Variants in ENTPD4 observed in about 807,000 individuals in gnomAD.
ENTPD4 encodes the protein ectonucleoside triphosphate diphosphohydrolase 4.
Under a neutral mutation model 79.1 loss-of-function variants are expected in ENTPD4, and 60 were observed. The observed-to-expected ratio is 0.76, with a 90% CI of 0.62 to 0.94. ENTPD4 has a LOEUF of 0.94. ENTPD4 is among the 40% of genes least tolerant of loss of function. ENTPD4 has a pLI of 0.00. For synonymous variants in ENTPD4, 276 were observed against 292.0 expected, an observed-to-expected ratio of 0.95 and a Z score of 0.56; for missense variants, 772 against 775.1, an observed-to-expected ratio of 1.00 and a Z score of 0.05.
chr8:23,429,473 G>T lies in ENTPD4; in HGVS notation c.*3453C>A. 1 of 985,182 alleles carries T rather than the reference G, an allele frequency of 1.0e-6. No individual in the cohort carries two copies. The highest frequency in any genetic ancestry group is 1.2e-6 in the Non-Finnish European group (1 of 829,716). 61.0% of individuals were successfully genotyped at this position (985,182 alleles called of 1,614,324 possible). A position where few individuals can be genotyped will look rare whatever the true frequency, so the allele number is the denominator to read the frequency against. The stretch of plus-strand genomic sequence containing the variant: ...GAAATAAATAACTAAGTAATTTACT[G>T]AAAGGTAGTTTTGTTGCATTGCACA... On this transcript the variant is annotated 3_prime_UTR_variant, in exon 13 of 13. Coordinates refer to ENST00000358689, the MANE Select transcript of ENTPD4 (RefSeq NM_004901.5).
chr8:23,454,401 G>A (rs1046758012), intron 1 of ENTPD4, among the ~76,000 whole-genome samples: 3 of 152,174 alleles, frequency 2.0e-5, no homozygotes, highest in African/African-American at 7.2e-5. Context: ...TCAGGACTAC[G>A]AAGGTGACAT....
Position 23,432,264 on chromosome 8 carries a change from A to C in ENTPD4, c.*662T>G. On this transcript the variant is annotated 3_prime_UTR_variant, in exon 13 of 13. Coordinates refer to ENST00000358689, the MANE Select transcript of ENTPD4 (RefSeq NM_004901.5). ...GTAAGTTTTTTGGTTCTATGAAAGCATCACTATTCAGTCCCCTCTCCACTG... is the reference window on the plus strand; with the variant it reads ...GTAAGTTTTTTGGTTCTATGAAAGCCTCACTATTCAGTCCCCTCTCCACTG... 1 of 985,414 alleles carries C rather than the reference A, an allele frequency of 1.0e-6. No homozygotes were observed. Among genetic ancestry groups the C allele is most frequent in the Non-Finnish European group, 1.2e-6 (1 of 829,918 alleles). 61.0% of individuals were successfully genotyped at this position (985,414 alleles called of 1,614,324 possible).
Position 23,430,563 on chromosome 8 carries a change from T to C in ENTPD4, c.*2363A>G, listed in dbSNP as rs1212638737. The C allele has an allele frequency of 1.0e-6, 1 of 983,990 alleles. No homozygotes were observed. The highest frequency in any genetic ancestry group is 1.2e-6 in the Non-Finnish European group (1 of 828,706). The allele number at this position is 983,990 out of a possible 1,614,324, so 61.0% of individuals were successfully genotyped here. ...TCTAGGCTTTACAGGCCACATATAG[T>C]GTCTGCTGCATATTCTTCAACGTTT... is the stretch of plus-strand genomic sequence containing the variant. On this transcript the variant is annotated 3_prime_UTR_variant, in exon 13 of 13. Coordinates refer to ENST00000358689, the MANE Select transcript of ENTPD4 (RefSeq NM_004901.5).
rs766278418 is a variant in ENTPD4, at chr8:23,448,710, T to A, written c.206+32A>T. 8.3e-6 allele frequency: 13 copies of A among 1,575,080 alleles called. No homozygotes were observed. In the South Asian group the frequency reaches 1.3e-4, roughly 16 times the overall value. On this transcript the variant is annotated intron_variant, in intron 3 of 12. Transcript: ENST00000358689. ...CAGGTAAGACAGAAGGTAAGGCTTCTGGTCTAGAAAGCAAATGTTTTTATC... is the reference window on the plus strand; with the variant it reads ...CAGGTAAGACAGAAGGTAAGGCTTCAGGTCTAGAAAGCAAATGTTTTTATC...
rs770603152 is a variant in ENTPD4, at chr8:23,444,490, G to C, written c.529C>G (p.Leu177Val). 10 of 1,614,096 alleles carry C rather than the reference G, an allele frequency of 6.2e-6. No individual in the cohort carries two copies. In the Admixed American group the frequency reaches 1.3e-4, roughly 22 times the overall value. Residue 177 changes from leucine to valine, a missense_variant, in exon 5 of 13, where the codon CTC (leucine) becomes GTC (valine). Leu to Val is a conservative substitution (Grantham distance 32). Transcript: ENST00000358689. ...AGGATTCTCATTCCAGCCGTGCAGA[G>C]AATGTAGAGAGGTGTCTCTTTGTGT... Reference protein sequence around the residue: ...AKHKETPLYILCTAGMRILPE... With the variant: ...AKHKETPLYIVCTAGMRILPE...
chr8:23,451,003 T>C (rs561579118), intron 1 of ENTPD4, among the ~76,000 whole-genome samples: 113 of 149,236 alleles, frequency 7.6e-4, no homozygotes, highest in African/African-American at 2.8e-3. Context: ...CTTCCAAATG[T>C]AATTTCTTTT....
chr8:23,436,930 G>T lies in ENTPD4; in HGVS notation c.1374+4C>A. 6.3e-7 allele frequency: 1 copy of T among 1,576,888 alleles called. No homozygotes were observed. The highest frequency in any genetic ancestry group is 8.6e-7 in the Non-Finnish European group (1 of 1,160,982). ...GCAGAGCAGACGGCGTCTCTCAAGG[G>T]TACCTTTGCAGCTTTAGTAAATTTA... On this transcript the variant is annotated splice_donor_region_variant and intron_variant, in intron 10 of 12. Coordinates refer to ENST00000358689, the MANE Select transcript of ENTPD4 (RefSeq NM_004901.5).
intron 2 of ENTPD4, among the ~76,000 whole-genome samples, chr8:23,449,346 C>T (rs948234213): frequency 3.9e-5 from 6 of 152,264 alleles, no homozygotes; most frequent in Admixed American, 2.6e-4. Flanking sequence ...AAAGGCATGT[C>T]GTAAGCTGGG....
intron 1 of ENTPD4, among the ~76,000 whole-genome samples, chr8:23,452,388 C>G (rs1440400752): frequency 6.6e-6 from 1 of 152,206 alleles, no homozygotes; most frequent in East Asian, 1.9e-4. Context: ...CCCAACTTTT[C>G]TCTCTCACTC....
intron 3 of ENTPD4, 41 bp from the exon 4 acceptor site, chr8:23,447,926 A>G (rs1800791326): frequency 1.0e-5 from 16 of 1,527,918 alleles, no homozygotes; most frequent in Non-Finnish European, 1.5e-5. Context: ...TAGACAAAGA[A>G]TATCACCTGA....
At position 23,441,731 on chromosome 8, in the gene ENTPD4, G is replaced by GA; in HGVS notation, c.728-9dup. ...CCACAACGGCCTCATCATCTAGAAAGAACAGAAAGTGTTCACTGGAACAGA... is the reference window on the plus strand; with the variant it reads ...CCACAACGGCCTCATCATCTAGAAAGAAACAGAAAGTGTTCACTGGAACAGA... On this transcript the variant is annotated splice_polypyrimidine_tract_variant and intron_variant, in intron 7 of 12. Coordinates refer to ENST00000358689, the MANE Select transcript of ENTPD4 (RefSeq NM_004901.5). 6.2e-7 allele frequency: 1 copy of GA among 1,613,444 alleles called. No individual in the cohort carries two copies. The highest frequency in any genetic ancestry group is 8.5e-7 in the Non-Finnish European group (1 of 1,179,832).
chr8:23,430,094 G>C lies in ENTPD4; in HGVS notation c.*2832C>G. 1.0e-6 allele frequency: 1 copy of C among 985,380 alleles called. No individual in the cohort carries two copies. Among genetic ancestry groups the C allele is most frequent in the African/African-American group, 1.7e-5 (1 of 57,342 alleles). The allele number at this position is 985,380 out of a possible 1,614,324, so 61.0% of individuals were successfully genotyped here. On this transcript the variant is annotated 3_prime_UTR_variant, in exon 13 of 13. Transcript: ENST00000358689. ...TTTACTGCCTTCTTGGTCAGCTCTT[G>C]GTATGAATTCTTCTCTTGAATTAAG...
At chr8:23,450,817 C>T (rs1280635849) in intron 1 of ENTPD4, among the ~76,000 whole-genome samples, 1 of 152,086 alleles carries the variant, frequency 6.6e-6, no homozygotes, top group Non-Finnish European at 1.5e-5. Flanking sequence ...AGCCTATGAG[C>T]CATCTCTATC....
chr8:23,442,105 T>TA lies in ENTPD4; in HGVS notation c.668-40dup, dbSNP rs745834788. On this transcript the variant is annotated intron_variant, in intron 6 of 12. Coordinates refer to ENST00000358689, the MANE Select transcript of ENTPD4 (RefSeq NM_004901.5). ...ACAGGGTGAAGAGAAGAAAAAGTTT[T>TA]AAAACATTTTGTGTAACTCCTATCT... 21 of 1,517,674 alleles carry TA rather than the reference T, an allele frequency of 1.4e-5. No homozygotes were observed. In the African/African-American group the frequency reaches 2.7e-4, roughly 20 times the overall value. 94.0% of individuals were successfully genotyped at this position (1,517,674 alleles called of 1,614,324 possible).
rs1403060053 is a variant in ENTPD4 at position 23,440,021 on chromosome 8, C to T, written c.883-106G>A. ...CATCTAAAAGGGACAAAAATGTCTG[C>T]TTCTGCACTTCCCAAGGACCCTTCT... On this transcript the variant is annotated intron_variant, in intron 8 of 12. Transcript: ENST00000358689. 8 of 856,588 alleles carry T rather than the reference C, an allele frequency of 9.3e-6. No individual in the cohort carries two copies. In the African/African-American group the frequency reaches 1.2e-4, roughly 13 times the overall value. The allele number at this position is 856,588 out of a possible 1,614,324, so 53.1% of individuals were successfully genotyped here.
chr8:23,430,229 A>T lies in ENTPD4; in HGVS notation c.*2697T>A. ...AATGTGATTTGCTGCGACTGCAGAC[A>T]TCTCCATACGGCATAATGAACTCCC... On this transcript the variant is annotated 3_prime_UTR_variant, in exon 13 of 13. Coordinates refer to ENST00000358689, the MANE Select transcript of ENTPD4 (RefSeq NM_004901.5). The T allele has an allele frequency of 3.0e-6, 3 of 985,472 alleles. No individual in the cohort carries two copies. The highest frequency in any genetic ancestry group is 3.6e-6 in the Non-Finnish European group (3 of 829,940). The allele number at this position is 985,472 out of a possible 1,614,324, so 61.0% of individuals were successfully genotyped here.
chr8:23,441,511 T>C (rs1220398959), intron 8 of ENTPD4, 58 bp downstream of exon 8: 3 of 1,593,014 alleles, frequency 1.9e-6, no homozygotes, highest in African/African-American at 1.3e-5. Context: ...ACAAGAACGA[T>C]GGACACACGT....
Position 23,439,764 on chromosome 8 carries a change from G to A in ENTPD4, c.1034C>T (p.Thr345Ile), listed in dbSNP as rs1800634640. 1 of 1,614,144 alleles carries A rather than the reference G, an allele frequency of 6.2e-7. No homozygotes were observed. Among genetic ancestry groups the A allele is most frequent in the Non-Finnish European group, 8.5e-7 (1 of 1,180,016 alleles). Reference sequence around the variant, plus strand: ...GGTGCTTTACCTGTTCTTTTGAATGGTGTTGGCAAATATTCTGTCTTCGTA... The same window carrying A: ...GGTGCTTTACCTGTTCTTTTGAATGATGTTGGCAAATATTCTGTCTTCGTA... ...QRYEDRIFAN[T>I]IQKNRLLGKQ... Residue 345 changes from threonine (T) to isoleucine (I), a missense_variant, in exon 9 of 13, where the codon ACC (threonine) becomes ATC (isoleucine). Physicochemically the swap from Thr to Ile is moderately conservative, Grantham distance 89 (BLOSUM62 -1). Coordinates refer to ENST00000358689, the MANE Select transcript of ENTPD4 (RefSeq NM_004901.5).
At chr8:23,434,804 C>G in intron 11 of ENTPD4, 1 of 692,200 alleles carries the variant, frequency 1.4e-6, no homozygotes, top group Non-Finnish European at 1.9e-6. Context: ...CAGGTTCCAA[C>G]CTCTTTGTAC....
Sources: allele counts gnomAD v4.1 joint callset (sites outside exome capture counted in the v4.1 genomes callset), GRCh38; gene constraint gnomAD v4.1.1; transcripts MANE v1.5; gene names NCBI Gene and HGNC (gene_info 2026-07-23, HGNC 2026-07-21).